The following CYP7B1 variants were observed in gnomAD, a reference collection of about 807,000 sequenced individuals.
The protein encoded by CYP7B1 is cytochrome P450 7B1.
CYP7B1 carries 29 observed loss-of-function variants against 42.7 expected under a neutral mutation model. The ratio of observed to expected loss-of-function variants is 0.68; its 90% CI spans 0.51 to 0.93. The LOEUF is 0.93. CYP7B1 is among the 40% of genes least tolerant of loss of function. CYP7B1 has a pLI of 0.00. For missense variants in CYP7B1, 655 were observed against 600.5 expected, an observed-to-expected ratio of 1.09 and a Z score of -0.95; for synonymous variants, 235 against 218.2, an observed-to-expected ratio of 1.08 and a Z score of -0.68.
At chr8:64,609,542 G>A (rs1232826660) in intron 4 of CYP7B1, among the ~76,000 whole-genome samples, 3 of 152,158 alleles carry the variant, frequency 2.0e-5, no homozygotes, top group Non-Finnish European at 4.4e-5. Context: ...GTGTATCAGA[G>A]ATGATATGGT....
At chr8:64,600,660 A>G (rs1453022546) in intron 5 of CYP7B1, among the ~76,000 whole-genome samples, 2 of 152,142 alleles carry the variant, frequency 1.3e-5, no homozygotes, top group African/African-American at 2.4e-5. Flanking sequence ...CAGAGTGTGC[A>G]CATCTCTTAG....
At chr8:64,647,924 T>G (rs1209630877) in intron 1 of CYP7B1, among the ~76,000 whole-genome samples, 5 of 152,170 alleles carry the variant, frequency 3.3e-5, no homozygotes, top group African/African-American at 1.2e-4. Context: ...CACAAGTTCC[T>G]TTTAGATGCC....
intron 1 of CYP7B1, among the ~76,000 whole-genome samples, chr8:64,785,111 C>T (rs1804499512): frequency 6.6e-6 from 1 of 152,134 alleles, no homozygotes; most frequent in Non-Finnish European, 1.5e-5. Flanking sequence ...TGAAAAGATA[C>T]ACAACATTCT....
intron 1 of CYP7B1, among the ~76,000 whole-genome samples, 158 bp downstream of exon 1, chr8:64,798,308 C>T (rs186436396): frequency 6.6e-6 from 1 of 152,242 alleles, no homozygotes; most frequent in South Asian, 2.1e-4. Context: ...ACAGAAGAAG[C>T]CTTTGTTATT....
Position 64,604,877 on chromosome 8 carries a change from G to T in CYP7B1, c.1058-20C>A, listed in dbSNP as rs756707245. 2 of 1,610,830 alleles carry T rather than the reference G, an allele frequency of 1.2e-6. No homozygotes were observed. Among genetic ancestry groups the T allele is most frequent in the Non-Finnish European group, 1.7e-6 (2 of 1,179,156 alleles). On this transcript the variant is annotated intron_variant, in intron 4 of 5. Coordinates refer to ENST00000310193, the MANE Select transcript of CYP7B1 (RefSeq NM_004820.5). Reference sequence around the variant, plus strand: ...TGCTTTCTGAAGGAAAAAAACAAACGATAGCTTATTAAGATAGGGCTGGTC... The same window carrying T: ...TGCTTTCTGAAGGAAAAAAACAAACTATAGCTTATTAAGATAGGGCTGGTC...
At chr8:64,773,935 T>C (rs761435233) in intron 1 of CYP7B1, among the ~76,000 whole-genome samples, 6 of 152,182 alleles carry the variant, frequency 3.9e-5, no homozygotes, top group African/African-American at 1.4e-4. Flanking sequence ...AGTCCATTCA[T>C]GAGGACAGAT....
At chr8:64,726,035 C>T (rs958228186) in intron 1 of CYP7B1, among the ~76,000 whole-genome samples, 2 of 152,200 alleles carry the variant, frequency 1.3e-5, no homozygotes, top group Non-Finnish European at 2.9e-5. Context: ...CTGTGAGGAT[C>T]TGACTGACAT....
chr8:64,614,884 A>G, intron 4 of CYP7B1, 142 bp downstream of exon 4: 3 of 778,116 alleles, frequency 3.9e-6, no homozygotes, highest in South Asian at 3.1e-5. Flanking sequence ...TATAAACTAC[A>G]TAATTTATAA....
intron 1 of CYP7B1, among the ~76,000 whole-genome samples, chr8:64,719,706 G>T (rs572286665): frequency 6.6e-6 from 1 of 152,326 alleles, no homozygotes; most frequent in South Asian, 2.1e-4. Context: ...AATCTGTCTT[G>T]CGTCTTCATT....
rs1325432069 is a variant in CYP7B1, at chr8:64,595,237, G to A, written c.*1405C>T. On this transcript the variant is annotated 3_prime_UTR_variant, in exon 6 of 6. Transcript: ENST00000310193. Reference sequence around the variant, plus strand: ...TTTGCACCAGCAGACCTTCACTGAAGGAACATTCAGAACATGTACTTCAGG... The same window carrying A: ...TTTGCACCAGCAGACCTTCACTGAAAGAACATTCAGAACATGTACTTCAGG... Among the ~76,000 whole-genome samples the A allele has an allele frequency of 6.6e-6, 1 of 152,166 alleles. No individual in the cohort carries two copies. The highest frequency in any genetic ancestry group is 1.9e-4 in the East Asian group (1 of 5,198).
intron 1 of CYP7B1, among the ~76,000 whole-genome samples, chr8:64,637,465 A>T (rs2129630886): frequency 6.6e-6 from 1 of 152,300 alleles, no homozygotes; most frequent in African/African-American, 2.4e-5. Flanking sequence ...GGAAAATAAC[A>T]TTCTTTTCCA....
intron 1 of CYP7B1, among the ~76,000 whole-genome samples, chr8:64,693,527 C>T (rs1806780011): frequency 1.3e-5 from 2 of 152,154 alleles, no homozygotes; most frequent in Non-Finnish European, 2.9e-5. Context: ...TGATCCTTTC[C>T]TCTAACATTT....
intron 1 of CYP7B1, among the ~76,000 whole-genome samples, chr8:64,704,426 C>T (rs570046284): frequency 6.6e-6 from 1 of 152,004 alleles, no homozygotes; most frequent in South Asian, 2.1e-4. Context: ...ATATGACTTT[C>T]CTAAGTAACA....
chr8:64,731,917 A>G (rs1807417316), intron 1 of CYP7B1, among the ~76,000 whole-genome samples: 1 of 152,224 alleles, frequency 6.6e-6, no homozygotes, highest in Non-Finnish European at 1.5e-5. Flanking sequence ...GTGGTGTACC[A>G]AAGTCAAGAA....
At chr8:64,723,362 C>T (rs1319929863) in intron 1 of CYP7B1, among the ~76,000 whole-genome samples, 3 of 152,182 alleles carry the variant, frequency 2.0e-5, no homozygotes, top group South Asian at 4.1e-4. Flanking sequence ...TCAATAAATG[C>T]CAAAATAGAT....
At chr8:64,653,013 A>G (rs1239866668) in intron 1 of CYP7B1, among the ~76,000 whole-genome samples, 1 of 152,220 alleles carries the variant, frequency 6.6e-6, no homozygotes, top group Non-Finnish European at 1.5e-5. Context: ...TTAAGAGAGA[A>G]ATTCACAGCA....
chr8:64,709,679 G>T (rs1263379134), intron 1 of CYP7B1, among the ~76,000 whole-genome samples: 1 of 152,250 alleles, frequency 6.6e-6, no homozygotes, highest in Non-Finnish European at 1.5e-5. Flanking sequence ...GGCTAATCTG[G>T]ATGGAATCAT....
intron 1 of CYP7B1, among the ~76,000 whole-genome samples, chr8:64,675,495 T>C (rs1353884181): frequency 6.6e-6 from 1 of 151,032 alleles, no homozygotes; most frequent in African/African-American, 2.4e-5. Flanking sequence ...ACTTATTAAG[T>C]ATTTTGCTAT....
intron 1 of CYP7B1, among the ~76,000 whole-genome samples, chr8:64,791,570 C>T (rs978617560): frequency 4.6e-5 from 7 of 152,106 alleles, no homozygotes; most frequent in Non-Finnish European, 7.4e-5. Context: ...GGCCTCCAGA[C>T]GCTGGAAAAG....
Sources: gnomAD v4.1 joint callset for allele counts (sites outside exome capture counted in the v4.1 genomes callset) on GRCh38, gnomAD v4.1.1 for gene constraint, MANE v1.5 for transcripts, NCBI Gene and HGNC (gene_info 2026-07-23, HGNC 2026-07-21) for gene names.